Variants in CTPS2 observed in about 807,000 individuals in gnomAD.
The protein encoded by CTPS2 is CTP synthase 2.
In CTPS2, 19 loss-of-function variants were observed where a neutral mutation model predicts 46.8. The observed-to-expected ratio is 0.41, with a 90% CI of 0.28 to 0.60. The LOEUF is 0.60. Among genes scored for constraint, CTPS2 ranks in the 20% least tolerant of loss-of-function variants. The pLI, the probability that CTPS2 is intolerant of heterozygous loss-of-function variation, is 0.35. For synonymous variants in CTPS2, 151 were observed against 165.2 expected (o/e 0.91, Z 0.66); for missense variants, 286 against 447.6 (o/e 0.64, Z 3.26).
Position 16,702,761 on chromosome X carries a change from C to T in CTPS2, c.142G>A (p.Gly48Ser), listed in dbSNP as rs765136758. Residue 48 changes from glycine (G) to serine (S), a missense_variant, in exon 2 of 19, where the codon GGC (glycine) becomes AGC (serine). Gly to Ser is a moderately conservative substitution (Grantham distance 56, BLOSUM62 0). Coordinates refer to ENST00000359276, the MANE Select transcript of CTPS2 (RefSeq NM_175859.3). ...KIDPYINIDA[G>S]TFSPYEHGEV... The stretch of plus-strand genomic sequence containing the variant: ...CCGTGTTCATAAGGTGAAAAAGTGC[C>T]AGCATCGATGTTAATATAGGGGTCG... 24 of 1,210,605 alleles carry T rather than the reference C, an allele frequency of 2.0e-5. No homozygotes were observed. The highest frequency in any genetic ancestry group is 2.7e-5 in the Non-Finnish European group (24 of 894,961).
intron 14 of CTPS2, among the ~76,000 whole-genome samples, chrX:16,621,677 C>A (rs1250636589): frequency 1.8e-5 from 2 of 110,803 alleles, no homozygotes; most frequent in East Asian, 2.8e-4. Flanking sequence ...AATCAGAAGC[C>A]ATGCTCAGTT....
chrX:16,613,602 CTT>C (rs111462789), intron 16 of CTPS2, among the ~76,000 whole-genome samples: 1 of 102,108 alleles, frequency 9.8e-6, no homozygotes. Context: ...AGGGACTTGC[CTT>C]TTTTTTTTTA....
intron 1 of CTPS2, among the ~76,000 whole-genome samples, chrX:16,708,744 G>T (rs1443530381): frequency 9.0e-6 from 1 of 111,430 alleles, no homozygotes; most frequent in African/African-American, 3.3e-5. Context: ...CTGTTCAAAT[G>T]ACTCTCTTTG....
In CTPS2 at chrX:16,606,016, A is replaced by C. The variant is rs2147180140; in HGVS notation, c.1691+3525T>G. ...TTTAGCTCACTAGCTGTAAATCCCA[A>C]AATAATAGTCTTACTGCAACTTCCC... On this transcript the variant is annotated intron_variant, in intron 17 of 18. Transcript: ENST00000359276. Among the ~76,000 whole-genome samples, 2 of 112,241 alleles carry C rather than the reference A, an allele frequency of 1.8e-5. 1 individual carries two copies. Among genetic ancestry groups the C allele is most frequent in the South Asian group, 7.5e-4 (2 of 2,680 alleles).
intron 13 of CTPS2, chrX:16,651,186 G>A: frequency 1.2e-6 from 1 of 846,541 alleles, no homozygotes; most frequent in Non-Finnish European, 1.7e-6. Context: ...CTGATGGTGG[G>A]AGGGGAGGGA....
chrX:16,689,669 C>T (rs927695740), intron 7 of CTPS2, 68 bp from the exon 8 acceptor site: 1 of 1,007,161 alleles, frequency 9.9e-7, no homozygotes, highest in African/African-American at 1.9e-5. Context: ...AAGAATGAAA[C>T]AAAATTCAGC....
intron 1 of CTPS2, among the ~76,000 whole-genome samples, chrX:16,708,367 T>C (rs955304450): frequency 6.3e-5 from 7 of 110,737 alleles, no homozygotes; most frequent in African/African-American, 2.3e-4. Flanking sequence ...CACAACACAG[T>C]TGATCACATT....
In CTPS2 at chrX:16,631,402, C is replaced by T. The variant is rs186996661; in HGVS notation, c.1393+7745G>A. On this transcript the variant is annotated intron_variant, in intron 14 of 18. Coordinates refer to ENST00000359276, the MANE Select transcript of CTPS2 (RefSeq NM_175859.3). Reference sequence around the variant, plus strand: ...GGCGTGGTGGCATGTGGCTGTAGTCCCAACTACTCAGGAGGCTGAGGCAGG... The same window carrying T: ...GGCGTGGTGGCATGTGGCTGTAGTCTCAACTACTCAGGAGGCTGAGGCAGG... Among the ~76,000 whole-genome samples, 30 of 110,577 alleles carry T rather than the reference C, an allele frequency of 2.7e-4. No homozygotes were observed. In the East Asian group the frequency reaches 5.9e-3, roughly 22 times the overall value.
rs761022011 is a variant in CTPS2, at chrX:16,654,360, A to AT, written c.1296+13153dup. The AT allele has an allele frequency of 6.6e-5, 61 of 924,360 alleles. No homozygotes were observed. The African/African-American group carries it at 1.0e-3, about 15-fold the overall frequency. The allele number at this position is 924,360 out of a possible 1,213,427, so 76.2% of individuals were successfully genotyped here. A position where few individuals can be genotyped will look rare whatever the true frequency, so the allele number is the denominator to read the frequency against. ...GAGAATGTGTAGCAGTAACTGATTC[A>AT]TTTTTTCTCCCCTCCCTTCTCCCAT... On this transcript the variant is annotated intron_variant, in intron 13 of 18. Transcript: ENST00000359276.
intron 2 of CTPS2, among the ~76,000 whole-genome samples, chrX:16,702,390 A>G (rs756901281): frequency 1.7e-4 from 19 of 112,637 alleles, no homozygotes; most frequent in African/African-American, 4.2e-4. Context: ...TGTAAGGGCT[A>G]ATGCCATTTT....
At chrX:16,684,236 CG>C (rs917679476) in intron 8 of CTPS2, among the ~76,000 whole-genome samples, 19 of 110,914 alleles carry the variant, frequency 1.7e-4, no homozygotes, top group Non-Finnish European at 2.8e-4. Flanking sequence ...TGGCCGGGCA[CG>C]GTGGCCCACA....
chrX:16,618,454 A>G (rs1384500020), intron 15 of CTPS2, among the ~76,000 whole-genome samples: 1 of 111,997 alleles, frequency 8.9e-6, no homozygotes, highest in African/African-American at 3.2e-5. Flanking sequence ...TCTCTTGGGT[A>G]TATATCTAGG....
chrX:16,599,085 A>G (rs1929478582), intron 17 of CTPS2, among the ~76,000 whole-genome samples: 1 of 111,949 alleles, frequency 8.9e-6, no homozygotes, highest in South Asian at 3.7e-4. Context: ...ATCTATGACA[A>G]ACCGACAGCC....
At position 16,705,030 on chromosome X, in the gene CTPS2, C is replaced by T. The variant is rs1411964389; in HGVS notation, c.-39-2089G>A. Among the ~76,000 whole-genome samples, 8 of 110,208 alleles carry T rather than the reference C, an allele frequency of 7.3e-5. No homozygotes were observed. The Admixed American group carries it at 7.8e-4, about 11-fold the overall frequency. On this transcript the variant is annotated intron_variant, in intron 1 of 18. Transcript: ENST00000359276. ...TTCACTGATTATAACAAATGTACCA[C>T]TCTGCAGGTGCAGGATGTTAATAGT... is the stretch of plus-strand genomic sequence containing the variant.
At chrX:16,665,897 T>G (rs941913799) in intron 13 of CTPS2, among the ~76,000 whole-genome samples, 30 of 111,339 alleles carry the variant, frequency 2.7e-4, no homozygotes, top group African/African-American at 9.2e-4. Flanking sequence ...ATTACAAGCA[T>G]GCACCAGCAC....
chrX:16,695,414 G>A (rs7067010), intron 4 of CTPS2, among the ~76,000 whole-genome samples: 61,255 of 110,768 alleles, frequency 0.55, 13,780 homozygotes, highest in African/African-American at 0.86. Flanking sequence ...TGTTGCCCCA[G>A]ATAAAAGGGA....
chrX:16,679,042 G>A (rs1327309024), intron 9 of CTPS2, among the ~76,000 whole-genome samples: 8 of 110,366 alleles, frequency 7.2e-5, no homozygotes, highest in Non-Finnish European at 5.7e-5. Context: ...AGGAGACAAA[G>A]AGAGGAGGGG....
intron 16 of CTPS2, among the ~76,000 whole-genome samples, chrX:16,616,107 C>T (rs751392925): frequency 5.4e-5 from 6 of 111,889 alleles, no homozygotes; most frequent in South Asian, 3.8e-4. Context: ...TTTGCCAACC[C>T]CTGGGCTAGA....
intron 6 of CTPS2, among the ~76,000 whole-genome samples, chrX:16,692,716 G>A (rs1923800573): frequency 9.0e-6 from 1 of 110,905 alleles, no homozygotes; most frequent in Non-Finnish European, 1.9e-5. Context: ...CATTGTCACA[G>A]GAGCCGTTTG....
Sources: allele counts gnomAD v4.1 joint callset (sites outside exome capture counted in the v4.1 genomes callset), GRCh38; gene constraint gnomAD v4.1.1; transcripts MANE v1.5; gene names NCBI Gene and HGNC (gene_info 2026-07-23, HGNC 2026-07-21).